The following ATAD2B variants were observed in gnomAD, a reference collection of about 807,000 sequenced individuals.
ATAD2B encodes ATPase family AAA domain containing 2B, also known as ATPase family AAA domain-containing protein 2B.
ATAD2B carries 40 observed loss-of-function variants against 167.6 expected under a neutral mutation model. The ratio of observed to expected loss-of-function variants is 0.24; its 90% confidence interval spans 0.19 to 0.31. ATAD2B has a LOEUF of 0.31. ATAD2B is among the 10% of genes least tolerant of loss of function. The pLI, the probability that ATAD2B is intolerant of heterozygous loss-of-function variation, is 1.00. For missense variants in ATAD2B, 1,242 were observed against 1,757.2 expected (o/e 0.71, Z 5.24); for synonymous variants, 579 against 596.5 (o/e 0.97, Z 0.43).
intron 13 of ATAD2B, among the ~76,000 whole-genome samples, chr2:23,847,745 G>C (rs1451596405): frequency 6.6e-6 from 1 of 151,802 alleles, no homozygotes; most frequent in Non-Finnish European, 1.5e-5. Context: ...CCAGCACTTT[G>C]GGAGACCGAT....
At chr2:23,859,814 G>T (rs980347306) in intron 12 of ATAD2B, among the ~76,000 whole-genome samples, 2 of 134,428 alleles carry the variant, frequency 1.5e-5, no homozygotes, top group East Asian at 1.9e-4. Flanking sequence ...CACGCGTGGC[G>T]GGGGGGGCAC....
chr2:23,880,918 C>CTGGATTTTTT (rs1697787611), intron 6 of ATAD2B, among the ~76,000 whole-genome samples, 163 bp from the exon 7 acceptor site: 1 of 152,124 alleles, frequency 6.6e-6, no homozygotes, highest in Non-Finnish European at 1.5e-5. Flanking sequence ...TAAAAATCAA[C>CTGGATTTTTT]CTAAATGGAT....
intron 22 of ATAD2B, 58 bp from the exon 23 acceptor site, chr2:23,765,686 G>T: frequency 9.0e-7 from 1 of 1,109,432 alleles, no homozygotes. Context: ...CATTAACAAA[G>T]GACATCTTAA....
At position 23,855,850 on chromosome 2, in the gene ATAD2B, T is replaced by C. The variant is rs530878419; in HGVS notation, c.1568+1565A>G. 3.3e-5 allele frequency among the ~76,000 whole-genome samples: 5 copies of C among 152,092 alleles called. No individual in the cohort carries two copies. The South Asian group carries it at 6.2e-4, about 19-fold the overall frequency. On this transcript the variant is annotated intron_variant, in intron 13 of 27. Transcript: ENST00000238789. Reference sequence around the variant, plus strand: ...GTTACAGTGAGCTATGATCACACCATTGCACTCCAGCCTAGGTAAGAGAAT... The same window carrying C: ...GTTACAGTGAGCTATGATCACACCACTGCACTCCAGCCTAGGTAAGAGAAT...
chr2:23,739,784 CA>C, the ATAD2B span, among the ~76,000 whole-genome samples: 1 of 151,912 alleles, frequency 6.6e-6, no homozygotes, highest in Admixed American at 6.6e-5. Flanking sequence ...AAAAGATCAA[CA>C]AAATTGATAG....
At chr2:23,888,941 T>C (rs1311077183) in intron 2 of ATAD2B, among the ~76,000 whole-genome samples, 1 of 152,118 alleles carries the variant, frequency 6.6e-6, no homozygotes, top group East Asian at 1.9e-4. Context: ...GAAATGTAAA[T>C]CACTGGAAAG....
At chr2:23,854,962 C>T (rs1693141710) in intron 13 of ATAD2B, among the ~76,000 whole-genome samples, 1 of 151,968 alleles carries the variant, frequency 6.6e-6, no homozygotes, top group South Asian at 2.1e-4. Context: ...TGGGAGGCCA[C>T]GGCAGGCAGA....
At position 23,755,458 on chromosome 2, in the gene ATAD2B, G is replaced by A. The variant is rs184948835; in HGVS notation, c.4079-684C>T. On this transcript the variant is annotated intron_variant, in intron 25 of 27. Coordinates refer to ENST00000238789, the MANE Select transcript of ATAD2B (RefSeq NM_017552.4). ...TTAAGGTGGCTAAGCATAATTTCAC[G>A]AACCCAGGCATTCTGAGGGGTACAA... 6.2e-3 allele frequency among the ~76,000 whole-genome samples: 943 copies of A among 152,122 alleles called. 4 individuals carry two copies. Among genetic ancestry groups the A allele is most frequent in the South Asian group, 0.023 (111 of 4,822 alleles).
chr2:23,906,572 C>T (rs557264365), intron 1 of ATAD2B, among the ~76,000 whole-genome samples: 1 of 152,162 alleles, frequency 6.6e-6, no homozygotes, highest in African/African-American at 2.4e-5. Flanking sequence ...CTTTCTGTCT[C>T]GTTGATCTGT....
intron 16 of ATAD2B, among the ~76,000 whole-genome samples, 155 bp downstream of exon 16, chr2:23,823,103 C>A (rs973436757): frequency 6.6e-6 from 1 of 151,916 alleles, no homozygotes; most frequent in African/African-American, 2.4e-5. Flanking sequence ...CAGGCAACTA[C>A]CATATGCCAG....
chr2:23,681,990 G>A, the ATAD2B span, among the ~76,000 whole-genome samples: 27 of 151,940 alleles, frequency 1.8e-4, no homozygotes, highest in Non-Finnish European at 2.5e-4. The surrounding 1 kb of genome is among the most constrained non-coding windows in gnomAD (Gnocchi z 4.2). Context: ...TCTATCCACC[G>A]CCTCCTACCC....
At chr2:23,755,719 C>G (rs1044450763) in intron 25 of ATAD2B, among the ~76,000 whole-genome samples, 4 of 152,158 alleles carry the variant, frequency 2.6e-5, no homozygotes, top group African/African-American at 7.2e-5. Flanking sequence ...TAAACTCATC[C>G]TCCTTCTCAA....
chr2:23,724,279 A>G, the ATAD2B span, among the ~76,000 whole-genome samples: 1 of 152,226 alleles, frequency 6.6e-6, no homozygotes, highest in South Asian at 2.1e-4. Context: ...GAATGTTCCC[A>G]AAACAAAAAA....
chr2:23,823,494 A>G lies in ATAD2B; in HGVS notation c.1895T>C (p.Ile632Thr). The G allele has an allele frequency of 6.2e-7, 1 of 1,613,884 alleles. No homozygotes were observed. The highest frequency in any genetic ancestry group is 8.5e-7 in the Non-Finnish European group (1 of 1,179,886). ...LIALRRRYPQ[I>T]YASSHKLQLD... ...CTGCAGTTTATGACTGCTAGCATAGATCTGGGGATAACGCCTCCGCAGTGC... is the reference window on the plus strand; with the variant it reads ...CTGCAGTTTATGACTGCTAGCATAGGTCTGGGGATAACGCCTCCGCAGTGC... The change falls in exon 16 of 28, where the codon ATC (isoleucine) becomes ACC (threonine). Residue 632 changes from isoleucine (I) to threonine (T), a missense_variant. Coordinates refer to ENST00000238789, the MANE Select transcript of ATAD2B (RefSeq NM_017552.4).
chr2:23,831,307 C>T (rs1033571310), intron 14 of ATAD2B, among the ~76,000 whole-genome samples: 14 of 152,026 alleles, frequency 9.2e-5, no homozygotes, highest in African/African-American at 3.4e-4. Context: ...AGCATTATTG[C>T]ATATAGAAGA....
chr2:23,788,746 TC>T, intron 19 of ATAD2B, 99 bp from the exon 20 acceptor site: 1 of 1,026,510 alleles, frequency 9.7e-7, no homozygotes, highest in Non-Finnish European at 1.4e-6. Flanking sequence ...AGTATCATGT[TC>T]AATATTCATA....
intron 18 of ATAD2B, among the ~76,000 whole-genome samples, chr2:23,805,840 A>C (rs1684305713): frequency 1.4e-5 from 2 of 143,842 alleles, no homozygotes; most frequent in African/African-American, 5.2e-5. Context: ...ACTTAAGTGA[A>C]GCTTAGAATC....
In ATAD2B at chr2:23,757,569, A is replaced by C; in HGVS notation, c.3927T>G (p.Leu1309=). 1 of 1,605,598 alleles carries C rather than the reference A, an allele frequency of 6.2e-7. No homozygotes were observed. The highest frequency in any genetic ancestry group is 8.5e-7 in the Non-Finnish European group (1 of 1,177,806). ...GDKCSSEQKI[L]LEDQSKEKPE... ...GTTTTTCTTTTGACTGGTCCTCCAGAAGAATCTTTTGTTCAGAACTACATT... is the reference window on the plus strand; with the variant it reads ...GTTTTTCTTTTGACTGGTCCTCCAGCAGAATCTTTTGTTCAGAACTACATT... Residue 1309 remains leucine, a synonymous_variant, in exon 25 of 28, where the codon CTT becomes CTG. Transcript: ENST00000238789.
chr2:23,752,460 C>T (rs527334050), intron 27 of ATAD2B, among the ~76,000 whole-genome samples: 1 of 149,874 alleles, frequency 6.7e-6, no homozygotes, highest in Non-Finnish European at 1.5e-5. Context: ...ATATAAAATA[C>T]ATAAATATAA....
Sources: allele counts gnomAD v4.1 joint callset (sites outside exome capture counted in the v4.1 genomes callset), GRCh38; gene constraint gnomAD v4.1.1; non-coding constraint Gnocchi (gnomAD v3.1); transcripts MANE v1.5; gene names NCBI Gene and HGNC (gene_info 2026-07-23, HGNC 2026-07-21).